Variants in PFKFB3 observed in about 807,000 individuals in gnomAD.
PFKFB3 encodes the protein 6-phosphofructo-2-kinase/fructose-2,6-bisphosphatase 3.
A neutral mutation model predicts 68.0 loss-of-function variants in PFKFB3; 33 were observed. The ratio of observed to expected loss-of-function variants is 0.49; its 90% CI spans 0.37 to 0.65. The LOEUF (loss-of-function observed/expected upper bound fraction) is 0.65, where lower values mean the gene tolerates loss of function less well. Ranked by LOEUF, PFKFB3 falls within the 30% of genes least tolerant of loss-of-function variation. The pLI, the probability that PFKFB3 is intolerant of heterozygous loss-of-function variation, is 0.00. For synonymous variants in PFKFB3, 315 were observed against 288.2 expected, an observed-to-expected ratio of 1.09 and a Z score of -0.94; for missense variants, 586 against 712.2, an observed-to-expected ratio of 0.82 and a Z score of 2.02.
intron 13 of PFKFB3, chr10:6,225,212 C>A (rs4747952): frequency 0.12 from 56,006 of 456,188 alleles, 4,130 homozygotes; most frequent in Middle Eastern, 0.2. Context: ...TTCTCTTAGA[C>A]CGAGCGTGAC....
intron 1 of PFKFB3, among the ~76,000 whole-genome samples, chr10:6,158,056 C>T (rs145957477): frequency 0.011 from 1,648 of 151,146 alleles, 68 homozygotes; most frequent in East Asian, 0.1. Context: ...GAAGTCGAGA[C>T]GGGTGGATCA....
intron 1 of PFKFB3, among the ~76,000 whole-genome samples, chr10:6,208,371 C>CTTTTTTTTTTTTTTTGTT (rs1843933965): frequency 1.6e-5 from 1 of 60,622 alleles, no homozygotes; most frequent in Admixed American, 2.4e-4. Flanking sequence ...GGTACCTGGC[C>CTTTTTTTTTTTTTTTGTT]TTTTTTTTTT....
At chr10:6,317,324 T>C in the PFKFB3 span, among the ~76,000 whole-genome samples, 1 of 152,188 alleles carries the variant, frequency 6.6e-6, no homozygotes, top group African/African-American at 2.4e-5. Context: ...TCATTGACTT[T>C]GGTAATGAAC....
Position 6,150,604 on chromosome 10 carries a change from G to A in PFKFB3, c.16+5591G>A, listed in dbSNP as rs572319738. On this transcript the variant is annotated intron_variant, in intron 1 of 14. Coordinates refer to the PFKFB3 transcript ENST00000379789. ...GTGGCCACTGCACTCCAGCCGGGGC[G>A]ACAGAGCGAGACTGTCTCAAAAATA... Among the ~76,000 whole-genome samples, 24 of 152,224 alleles carry A rather than the reference G, an allele frequency of 1.6e-4. No individual in the cohort carries two copies. The South Asian group carries it at 4.3e-3, about 28-fold the overall frequency.
At chr10:6,299,387 C>T in the PFKFB3 span, among the ~76,000 whole-genome samples, 1 of 152,150 alleles carries the variant, frequency 6.6e-6, no homozygotes, top group African/African-American at 2.4e-5. Flanking sequence ...GGTGGCATCC[C>T]ATAGTTAGGA....
the PFKFB3 span, among the ~76,000 whole-genome samples, chr10:6,268,793 A>G: frequency 6.6e-6 from 1 of 151,892 alleles, no homozygotes; most frequent in East Asian, 1.9e-4. Context: ...AGGCTGAGAC[A>G]GGCCAATTGC....
intron 1 of PFKFB3, among the ~76,000 whole-genome samples, chr10:6,191,992 T>C (rs604589): frequency 0.64 from 96,228 of 151,470 alleles, 32,028 homozygotes; most frequent in Non-Finnish European, 0.73. Context: ...CTTGGTAAAA[T>C]TGTATTCAAT....
At chr10:6,172,947 C>G (rs993728488) in intron 1 of PFKFB3, among the ~76,000 whole-genome samples, 1 of 152,128 alleles carries the variant, frequency 6.6e-6, no homozygotes, top group Non-Finnish European at 1.5e-5. Context: ...GCTCCATGCT[C>G]ATCTCCCACA....
chr10:6,151,607 T>C (rs1841588642), intron 1 of PFKFB3, among the ~76,000 whole-genome samples: 1 of 152,110 alleles, frequency 6.6e-6, no homozygotes, highest in Admixed American at 6.6e-5. Context: ...GCGATCAGAT[T>C]CTGGAAGTCC....
At chr10:6,237,750 G>A (rs1564229234), downstream of PFKFB3, among the ~76,000 whole-genome samples, 1 of 151,784 alleles carries the variant, frequency 6.6e-6, no homozygotes, top group Non-Finnish European at 1.5e-5. Context: ...ATTTTTTGTC[G>A]AGATGAGGTT....
At chr10:6,204,506 C>T (rs4750075) in intron 1 of PFKFB3, among the ~76,000 whole-genome samples, 2 of 152,162 alleles carry the variant, frequency 1.3e-5, no homozygotes, top group African/African-American at 2.4e-5. Flanking sequence ...CCAGACCTGC[C>T]CCTCTCCCCA....
the PFKFB3 span, among the ~76,000 whole-genome samples, chr10:6,309,639 G>A: frequency 2.6e-5 from 4 of 151,696 alleles, no homozygotes; most frequent in African/African-American, 9.7e-5. Flanking sequence ...CACCCCCGCC[G>A]GCCACCAGCC....
chr10:6,223,832 G>T (rs538316743), intron 11 of PFKFB3, 126 bp from the exon 12 acceptor site: 1 of 793,978 alleles, frequency 1.3e-6, no homozygotes, highest in Admixed American at 1.8e-5. Flanking sequence ...GGTCAGGCTG[G>T]TCTTGAACTC....
chr10:6,217,558 T>TG (rs1844669707), intron 6 of PFKFB3, among the ~76,000 whole-genome samples: 1 of 8,226 alleles, frequency 1.2e-4, no homozygotes, highest in Non-Finnish European at 7.1e-3. Context: ...GTGGATCACT[T>TG]GCTACAGCTC....
At chr10:6,301,112 T>A in the PFKFB3 span, among the ~76,000 whole-genome samples, 1 of 151,508 alleles carries the variant, frequency 6.6e-6, no homozygotes, top group Non-Finnish European at 1.5e-5. Context: ...GAACATGAGA[T>A]GATATCTTGC....
At chr10:6,192,019 A>AT (rs35140138) in intron 1 of PFKFB3, among the ~76,000 whole-genome samples, 5 of 151,356 alleles carry the variant, frequency 3.3e-5, no homozygotes, top group African/African-American at 7.3e-5. Flanking sequence ...CTAGATGAGT[A>AT]TTTTTTTTAA....
the PFKFB3 span, among the ~76,000 whole-genome samples, chr10:6,289,543 T>TG: frequency 6.6e-6 from 1 of 152,076 alleles, no homozygotes; most frequent in Non-Finnish European, 1.5e-5. Flanking sequence ...CTGAGGGCTC[T>TG]GTTCTGTTCC....
chr10:6,148,870 G>T (rs763606905), intron 1 of PFKFB3, among the ~76,000 whole-genome samples: 8 of 152,024 alleles, frequency 5.3e-5, no homozygotes, highest in Non-Finnish European at 1.0e-4. Flanking sequence ...TTAAGGCCAG[G>T]AATTTGAGAC....
intron 1 of PFKFB3, among the ~76,000 whole-genome samples, chr10:6,193,194 G>T (rs1843080079): frequency 1.3e-5 from 2 of 152,214 alleles, no homozygotes; most frequent in Admixed American, 1.3e-4. Flanking sequence ...AAAAACAAAA[G>T]ATAGAAATTA....
Sources: gnomAD v4.1 joint callset for allele counts (sites outside exome capture counted in the v4.1 genomes callset) on GRCh38, gnomAD v4.1.1 for gene constraint, MANE v1.5 for transcripts, NCBI Gene and HGNC (gene_info 2026-07-23, HGNC 2026-07-21) for gene names.